Variants in SRD5A1 observed in about 807,000 individuals in gnomAD.
SRD5A1 encodes the protein steroid 5 alpha-reductase 1.
Under a neutral mutation model 28.2 loss-of-function variants are expected in SRD5A1, and 22 were observed. The ratio of observed to expected loss-of-function variants is 0.78; its 90% CI spans 0.56 to 1.12. The LOEUF (loss-of-function observed/expected upper bound fraction) is 1.12. SRD5A1 is among the 50% of genes most tolerant of loss of function. SRD5A1 has a pLI of 0.00. For missense variants in SRD5A1, 300 were observed against 346.7 expected (o/e 0.87, Z 1.07); for synonymous variants, 151 against 135.0 (o/e 1.12, Z -0.82).
chr5:6,664,049 T>C (rs1264610164), intron 4 of SRD5A1, among the ~76,000 whole-genome samples: 1 of 152,012 alleles, frequency 6.6e-6, no homozygotes, highest in East Asian at 1.9e-4. Context: ...TGCCCTGACA[T>C]TGGCGCGTGT....
intron 3 of SRD5A1, among the ~76,000 whole-genome samples, chr5:6,661,693 T>C (rs1739007325): frequency 6.6e-6 from 1 of 152,000 alleles, no homozygotes; most frequent in Non-Finnish European, 1.5e-5. Flanking sequence ...CCATCACACC[T>C]GGCTGATTTT....
intron 3 of SRD5A1, 122 bp downstream of exon 3, chr5:6,656,301 GTCA>G (rs1738834656): frequency 1.3e-6 from 1 of 743,660 alleles, no homozygotes; most frequent in Non-Finnish European, 2.3e-6. Context: ...TTCAGTGTAA[GTCA>G]TCATTATTAA....
At chr5:6,654,043 A>C (rs1738761392) in intron 2 of SRD5A1, among the ~76,000 whole-genome samples, 1 of 150,348 alleles carries the variant, frequency 6.7e-6, no homozygotes, top group African/African-American at 2.5e-5. Flanking sequence ...TGAAGTAATA[A>C]GCAAATAATA....
intron 1 of SRD5A1, among the ~76,000 whole-genome samples, chr5:6,642,902 A>G (rs1180502174): frequency 6.6e-6 from 1 of 152,234 alleles, no homozygotes; most frequent in East Asian, 1.9e-4. Context: ...AGTTGAGTCC[A>G]TGAGAGGGAT....
At chr5:6,637,014 A>G (rs144684536) in intron 1 of SRD5A1, among the ~76,000 whole-genome samples, 1 of 152,242 alleles carries the variant, frequency 6.6e-6, no homozygotes, top group East Asian at 1.9e-4. Flanking sequence ...GAACATCTTT[A>G]GGGCTCACGG....
intron 2 of SRD5A1, among the ~76,000 whole-genome samples, chr5:6,652,529 G>A (rs965204411): frequency 3.3e-5 from 5 of 151,968 alleles, no homozygotes; most frequent in Non-Finnish European, 7.4e-5. Flanking sequence ...TAAGTTCTAA[G>A]CAAAAATGAA....
intron 1 of SRD5A1, among the ~76,000 whole-genome samples, chr5:6,650,786 TC>T (rs1352869679): frequency 1.8e-5 from 2 of 110,622 alleles, no homozygotes; most frequent in African/African-American, 6.9e-5. Context: ...ATGCTATCCC[TC>T]CCCCCTCCCC....
intron 1 of SRD5A1, among the ~76,000 whole-genome samples, chr5:6,646,458 T>TA (rs1738513544): frequency 6.6e-6 from 1 of 152,214 alleles, no homozygotes; most frequent in Non-Finnish European, 1.5e-5. Context: ...CAGAATTTGT[T>TA]ATTGGTGTAT....
chr5:6,649,051 A>G (rs903584063), intron 1 of SRD5A1, among the ~76,000 whole-genome samples: 4 of 152,100 alleles, frequency 2.6e-5, no homozygotes, highest in Non-Finnish European at 5.9e-5. Flanking sequence ...TCACCAGTGG[A>G]GGCTGCAGAA....
intron 1 of SRD5A1, among the ~76,000 whole-genome samples, chr5:6,637,463 G>A (rs1738220542): frequency 6.6e-6 from 1 of 152,114 alleles, no homozygotes; most frequent in Non-Finnish European, 1.5e-5. Flanking sequence ...CGGAGTCAAG[G>A]GCATTAGCTC....
chr5:6,645,258 G>A (rs2126531896), intron 1 of SRD5A1: 1 of 269,184 alleles, frequency 3.7e-6, no homozygotes, highest in Admixed American at 5.0e-5. Context: ...TGGCGCACAT[G>A]GTCAGAATGG....
intron 1 of SRD5A1, among the ~76,000 whole-genome samples, chr5:6,642,770 G>A (rs937819032): frequency 2.1e-4 from 32 of 152,208 alleles, no homozygotes; most frequent in African/African-American, 7.2e-4. Context: ...AAAAGTTTCA[G>A]TCTCAGCTCT....
intron 1 of SRD5A1, among the ~76,000 whole-genome samples, chr5:6,646,741 G>C (rs1005855838): frequency 7.2e-5 from 11 of 151,938 alleles, no homozygotes; most frequent in African/African-American, 2.7e-4. Context: ...TAGATTCATT[G>C]ATTTTTTTGA....
chr5:6,642,128 ATTCTT>A (rs1236473356), intron 1 of SRD5A1, among the ~76,000 whole-genome samples: 2 of 152,236 alleles, frequency 1.3e-5, no homozygotes, highest in African/African-American at 2.4e-5. Flanking sequence ...GAAGAATAGA[ATTCTT>A]TTCTTGGTGA....
At chr5:6,661,530 C>CTT (rs11402128) in intron 3 of SRD5A1, among the ~76,000 whole-genome samples, 17,102 of 118,182 alleles carry the variant, frequency 0.14, 1,810 homozygotes, top group East Asian at 0.22. Flanking sequence ...ATAGGTTTGT[C>CTT]TTTTTTTTTT....
chr5:6,645,001 G>A (rs1738467235), intron 1 of SRD5A1: 1 of 455,868 alleles, frequency 2.2e-6, no homozygotes, highest in Admixed American at 2.4e-5. Context: ...CACAACATCT[G>A]AATGCACACT....
At chr5:6,647,875 C>T (rs1377531989) in intron 1 of SRD5A1, among the ~76,000 whole-genome samples, 2 of 152,152 alleles carry the variant, frequency 1.3e-5, no homozygotes, top group Non-Finnish European at 2.9e-5. Flanking sequence ...ATGATCTTTA[C>T]AATTTGGTAT....
rs1739444082 is a variant in SRD5A1 at position 6,674,281 on chromosome 5, G to A, written c.*6013G>A. 6.6e-6 allele frequency: 1 copy of A among 151,982 alleles called. No homozygotes were observed. Among genetic ancestry groups the A allele is most frequent in the African/African-American group, 2.4e-5 (1 of 41,364 alleles). 9.4% of individuals were successfully genotyped at this position (151,982 alleles called of 1,614,324 possible). On this transcript the variant is annotated 3_prime_UTR_variant, in exon 5 of 5. Coordinates refer to ENST00000274192, the MANE Select transcript of SRD5A1 (RefSeq NM_001047.4). ...AGATGTTAATAGGGGAAATCGTGTT[G>A]GAGAGAGAGATATGTGAGAACTCTG...
intron 4 of SRD5A1, 58 bp from the exon 5 acceptor site, chr5:6,668,144 G>T: frequency 9.4e-7 from 1 of 1,061,772 alleles, no homozygotes; most frequent in Non-Finnish European, 1.4e-6. Context: ...ACTTTTGTTA[G>T]CATTGGTTAA....
Sources: gnomAD v4.1 joint callset for allele counts (sites outside exome capture counted in the v4.1 genomes callset) on GRCh38, gnomAD v4.1.1 for gene constraint, MANE v1.5 for transcripts, NCBI Gene and HGNC (gene_info 2026-07-23, HGNC 2026-07-21) for gene names.